NCAM2: variants seen among roughly 807,000 people sequenced by gnomAD.
NCAM2 encodes neural cell adhesion molecule 2, also known as N-CAM-2.
In NCAM2, 30 loss-of-function variants were observed where a neutral mutation model predicts 98.1. The ratio of observed to expected loss-of-function variants is 0.31; its 90% CI spans 0.23 to 0.41. The LOEUF is 0.41. Ranked by LOEUF, NCAM2 falls within the 10% of genes least tolerant of loss-of-function variation. The pLI, the probability that NCAM2 is intolerant of heterozygous loss-of-function variation, is 1.00. For synonymous variants in NCAM2, 368 were observed against 342.4 expected, an observed-to-expected ratio of 1.07 and a Z score of -0.83; for missense variants, 867 against 1,005.8, an observed-to-expected ratio of 0.86 and a Z score of 1.87.
chr21:21,280,295 G>A lies in NCAM2; in HGVS notation c.56-283G>A, dbSNP rs146408612. 6.3e-3 allele frequency among the ~76,000 whole-genome samples: 962 copies of A among 152,172 alleles called. 9 individuals carry two copies. The highest frequency in any genetic ancestry group is 0.011 in the Non-Finnish European group (748 of 67,990). ...CATATAAGACCTAATCTCTGAATAA[G>A]GAACAGATTGTCTGAGTGTGAATTT... On this transcript the variant is annotated intron_variant, in intron 1 of 17. Transcript: ENST00000400546.
At chr21:21,452,103 T>C (rs986776191) in intron 12 of NCAM2, among the ~76,000 whole-genome samples, 5 of 149,724 alleles carry the variant, frequency 3.3e-5, no homozygotes, top group Non-Finnish European at 7.4e-5. Context: ...TTAGTGACTT[T>C]ATCTCTTATG....
chr21:21,334,016 G>T (rs373391813), intron 6 of NCAM2, among the ~76,000 whole-genome samples: 1 of 152,040 alleles, frequency 6.6e-6, no homozygotes, highest in East Asian at 1.9e-4. Flanking sequence ...GAGTGTAGTG[G>T]TGTGATCTCA....
intron 11 of NCAM2, among the ~76,000 whole-genome samples, chr21:21,426,674 G>C (rs937941642): frequency 1.3e-5 from 2 of 152,104 alleles, no homozygotes; most frequent in African/African-American, 4.8e-5. Context: ...CTGTGGAATG[G>C]GGAGTTCGGA....
rs77843805 is a variant in NCAM2, at chr21:21,523,553, T to G, written c.2283-10984T>G. On this transcript the variant is annotated intron_variant, in intron 16 of 17. Coordinates refer to ENST00000400546, the MANE Select transcript of NCAM2 (RefSeq NM_004540.5). Reference sequence around the variant, plus strand: ...CTTTTCTTATTCTTATTCATAAGATTATTGAAAATAATGGAAACAATGTAT... The same window carrying G: ...CTTTTCTTATTCTTATTCATAAGATGATTGAAAATAATGGAAACAATGTAT... Among the ~76,000 whole-genome samples the G allele has an allele frequency of 6.8e-3, 1,031 of 152,084 alleles. 10 individuals are homozygous for G. Among genetic ancestry groups the G allele is most frequent in the African/African-American group, 0.024 (992 of 41,474 alleles).
At chr21:21,350,262 C>T (rs1455840983) in intron 8 of NCAM2, among the ~76,000 whole-genome samples, 1 of 151,988 alleles carries the variant, frequency 6.6e-6, no homozygotes, top group African/African-American at 2.4e-5. Context: ...TAACACTATT[C>T]TCACTGTAAA....
chr21:21,002,944 C>G (rs1368595948), intron 1 of NCAM2, among the ~76,000 whole-genome samples: 1 of 152,062 alleles, frequency 6.6e-6, no homozygotes, highest in Non-Finnish European at 1.5e-5. Flanking sequence ...TATGAGAACA[C>G]TTTAAGATGC....
At chr21:21,246,599 A>G (rs1037231178) in intron 1 of NCAM2, among the ~76,000 whole-genome samples, 6 of 152,172 alleles carry the variant, frequency 3.9e-5, no homozygotes, top group Non-Finnish European at 8.8e-5. Context: ...TTTTGGTAGT[A>G]ACAAATTGCA....
intron 9 of NCAM2, among the ~76,000 whole-genome samples, chr21:21,405,630 A>G (rs887719084): frequency 6.6e-6 from 1 of 152,102 alleles, no homozygotes; most frequent in Admixed American, 6.6e-5. Flanking sequence ...TTAATGCAGA[A>G]GTTTACTTGT....
intron 1 of NCAM2, among the ~76,000 whole-genome samples, chr21:21,032,867 A>G (rs1169344074): frequency 6.6e-6 from 1 of 152,104 alleles, no homozygotes; most frequent in Non-Finnish European, 1.5e-5. Context: ...CTTTGTCTAC[A>G]TACTTTAGCA....
chr21:21,186,011 A>T (rs1379661443), intron 1 of NCAM2, among the ~76,000 whole-genome samples: 2 of 152,162 alleles, frequency 1.3e-5, no homozygotes, highest in Admixed American at 6.5e-5. Flanking sequence ...TGGAGCACTG[A>T]TGCGGTTCTC....
intron 9 of NCAM2, among the ~76,000 whole-genome samples, chr21:21,406,600 G>A (rs2076743222): frequency 6.6e-6 from 1 of 152,090 alleles, no homozygotes; most frequent in African/African-American, 2.4e-5. Context: ...TCAGAAAGGA[G>A]ATCTTTTTCT....
intron 1 of NCAM2, among the ~76,000 whole-genome samples, chr21:21,222,062 A>G (rs2105675): frequency 0.99 from 150,128 of 152,206 alleles, 74,077 homozygotes; most frequent in East Asian, 1. Context: ...GCATGTAAGC[A>G]GACCAACAAA....
chr21:21,205,583 T>C (rs1046963326), intron 1 of NCAM2, among the ~76,000 whole-genome samples: 1 of 152,188 alleles, frequency 6.6e-6, no homozygotes, highest in Non-Finnish European at 1.5e-5. Flanking sequence ...ACAGTATAAA[T>C]TATTTGTGTT....
At chr21:21,383,159 G>A (rs1404438239) in intron 9 of NCAM2, among the ~76,000 whole-genome samples, 1 of 152,070 alleles carries the variant, frequency 6.6e-6, no homozygotes, top group African/African-American at 2.4e-5. Context: ...TGCATTCTCT[G>A]TATCTTTAGA....
At chr21:21,119,648 G>C (rs554970275) in intron 1 of NCAM2, among the ~76,000 whole-genome samples, 31 of 152,190 alleles carry the variant, frequency 2.0e-4, no homozygotes, top group Admixed American at 1.8e-3. Context: ...AAATAATGCA[G>C]ATTTCTTAAG....
At position 21,129,052 on chromosome 21, in the gene NCAM2, C is replaced by A. The variant is rs545023300; in HGVS notation, c.55+130434C>A. On this transcript the variant is annotated intron_variant, in intron 1 of 17. Transcript: ENST00000400546. ...AAATTTTAAATTATTTTATGAACTG[C>A]TTATTAAGAGCTATCATTAAGTTTT... Among the ~76,000 whole-genome samples, 44 of 152,208 alleles carry A rather than the reference C, an allele frequency of 2.9e-4. 1 individual carries two copies. Among genetic ancestry groups the A allele is most frequent in the African/African-American group, 1.1e-3 (44 of 41,522 alleles).
chr21:21,459,554 A>G (rs1190484545), intron 12 of NCAM2, among the ~76,000 whole-genome samples: 1 of 148,552 alleles, frequency 6.7e-6, no homozygotes, highest in Non-Finnish European at 1.5e-5. Flanking sequence ...ATTAGAATAT[A>G]GGATATTGTT....
intron 3 of NCAM2, among the ~76,000 whole-genome samples, chr21:21,285,308 G>A (rs892114115): frequency 2.0e-5 from 3 of 151,744 alleles, no homozygotes; most frequent in Admixed American, 1.3e-4. Context: ...TCTAGAAATA[G>A]GATATGAAAA....
At position 21,169,371 on chromosome 21, in the gene NCAM2, A is replaced by T. The variant is rs1476885343; in HGVS notation, c.56-111207A>T. Among the ~76,000 whole-genome samples, 6 of 152,330 alleles carry T rather than the reference A, an allele frequency of 3.9e-5. No individual in the cohort carries two copies. The East Asian group carries it at 1.2e-3, about 29-fold the overall frequency. ...AAGATAACAGGATAAGATCTACATG[A>T]CCTTGTGCATCATAATGACATTTTA... On this transcript the variant is annotated intron_variant, in intron 1 of 17. Transcript: ENST00000400546.
Sources: gnomAD v4.1 joint callset for allele counts (sites outside exome capture counted in the v4.1 genomes callset) on GRCh38, gnomAD v4.1.1 for gene constraint, MANE v1.5 for transcripts, NCBI Gene and HGNC (gene_info 2026-07-23, HGNC 2026-07-21) for gene names.